Variants in ABCA4 observed in about 807,000 individuals in gnomAD.
ABCA4 encodes the protein retinal-specific phospholipid-transporting ATPase ABCA4.
ABCA4 carries 196 observed loss-of-function variants against 263.7 expected under a neutral mutation model. The ratio of observed to expected loss-of-function variants is 0.74; its 90% CI spans 0.66 to 0.84. The LOEUF (loss-of-function observed/expected upper bound fraction) is 0.84, where lower values mean the gene tolerates loss of function less well. Among genes scored for constraint, ABCA4 ranks in the 40% least tolerant of loss-of-function variants. The probability of loss-of-function intolerance (pLI) is 0.00; values close to 1 mark genes in which losing one functional copy is unlikely to be tolerated. For synonymous variants in ABCA4, 1,133 were observed against 1,094.2 expected (o/e 1.04, Z -0.70); for missense variants, 2,792 against 2,855.1 (o/e 0.98, Z 0.50).
At chr1:94,114,831 C>T (rs1662713563) in intron 1 of ABCA4, among the ~76,000 whole-genome samples, 1 of 152,244 alleles carries the variant, frequency 6.6e-6, no homozygotes, top group African/African-American at 2.4e-5. Flanking sequence ...AGGTTCATCA[C>T]TCCTCCAAGT....
intron 4 of ABCA4, among the ~76,000 whole-genome samples, chr1:94,104,983 ACACACATGCACACATGCG>A (rs920703706): frequency 1.3e-5 from 2 of 152,122 alleles, no homozygotes; most frequent in African/African-American, 2.4e-5. Context: ...ACACATGCAC[ACACACATGCACACATGCG>A]CACACATGCA....
At chr1:93,999,470 C>A (rs995065531) in intron 47 of ABCA4, among the ~76,000 whole-genome samples, 1 of 152,246 alleles carries the variant, frequency 6.6e-6, no homozygotes, top group African/African-American at 2.4e-5. Context: ...GGGAAGGCAG[C>A]ACTTCCCTGA....
rs888731641 is a variant in ABCA4 at position 94,101,217 on chromosome 1, T to C, written c.570+1798A>G. ...AATTTCCCCGAAATTCCTGTCCTTA[T>C]CTTCATCTCCCTTTTATTACCAACT... On this transcript the variant is annotated intron_variant, in intron 5 of 49. Coordinates refer to ENST00000370225, the MANE Select transcript of ABCA4 (RefSeq NM_000350.3). 3.9e-5 allele frequency among the ~76,000 whole-genome samples: 6 copies of C among 152,260 alleles called. No homozygotes were observed. Among genetic ancestry groups the C allele is most frequent in the African/African-American group, 1.4e-4 (6 of 41,474 alleles).
chr1:94,030,644 GC>G, intron 28 of ABCA4, 118 bp from the exon 29 acceptor site: 1 of 1,014,612 alleles, frequency 9.9e-7, no homozygotes, highest in Non-Finnish European at 1.5e-6. Flanking sequence ...ACCGAATGCT[GC>G]CTTGGGATGG....
intron 1 of ABCA4, among the ~76,000 whole-genome samples, chr1:94,119,994 C>T (rs1662905043): frequency 6.6e-6 from 1 of 152,136 alleles, no homozygotes; most frequent in Non-Finnish European, 1.5e-5. Context: ...CATCCCTTAT[C>T]CCCTCCTTCC....
At chr1:94,040,273 G>T in intron 23 of ABCA4, 146 bp from the exon 24 acceptor site, 1 of 716,980 alleles carries the variant, frequency 1.4e-6, no homozygotes, top group Non-Finnish European at 2.5e-6. Context: ...TGTTTAATCT[G>T]TTAATTCATC....
chr1:94,022,413 G>A (rs934758860), intron 32 of ABCA4, among the ~76,000 whole-genome samples: 1 of 152,106 alleles, frequency 6.6e-6, no homozygotes, highest in African/African-American at 2.4e-5. Context: ...CTCCTTTTCT[G>A]TGCCACCTCT....
intron 40 of ABCA4, among the ~76,000 whole-genome samples, chr1:94,009,450 G>T (rs536381918): frequency 6.6e-6 from 1 of 152,216 alleles, no homozygotes; most frequent in South Asian, 2.1e-4. Flanking sequence ...TGCAGCTGTA[G>T]TTACAGCCCT....
chr1:94,037,616 G>C (rs1397778573), intron 24 of ABCA4, among the ~76,000 whole-genome samples: 1 of 151,936 alleles, frequency 6.6e-6, no homozygotes, highest in East Asian at 1.9e-4. Flanking sequence ...AGGTTGGTGG[G>C]GGGGTCATGC....
chr1:94,028,934 A>T (rs1197434373), intron 30 of ABCA4, among the ~76,000 whole-genome samples: 3 of 142,038 alleles, frequency 2.1e-5, no homozygotes, highest in Non-Finnish European at 4.7e-5. Context: ...AAAAAAAGAA[A>T]TTCAAACAAT....
chr1:94,077,207 A>G (rs1661558563), intron 11 of ABCA4, among the ~76,000 whole-genome samples: 1 of 152,220 alleles, frequency 6.6e-6, no homozygotes. Context: ...ATTCGGGCAA[A>G]TGCTGAGGAC....
In ABCA4 at chr1:94,037,282, C is replaced by A; in HGVS notation, c.3676G>T (p.Gly1226Cys). Residue 1226 changes from glycine (G) to cysteine (C), a missense_variant, in exon 25 of 50, where the codon GGT becomes TGT. By Grantham distance (159) the Gly-to-Cys change is radical (BLOSUM62 -3). Transcript: ENST00000370225. ...GGAAGAAGGAAGATAAGTTCTTGAC[C>A]AATGCACTCCACCAGCTTTGCCTCT... ...VPEAKLVECI[G>C]QELIFLLPNK... The A allele has an allele frequency of 6.2e-7, 1 of 1,614,176 alleles. No individual in the cohort carries two copies. Among genetic ancestry groups the A allele is most frequent in the Non-Finnish European group, 8.5e-7 (1 of 1,180,026 alleles).
rs1193437578 is a variant in ABCA4, at chr1:93,997,976, ATGTTGTAG to A, written c.6606_6613del (p.Tyr2203AlafsTer45). The A allele has an allele frequency of 1.2e-6, 2 of 1,614,044 alleles. No homozygotes were observed. Among genetic ancestry groups the A allele is most frequent in the African/African-American group, 2.7e-5 (2 of 74,928 alleles). ...GGAGGAGGAGACCTGGAACTGGAGC[ATGTTGTAG>A]TGCCTCTCCCTCTGCACACTGCCTG... On this transcript the variant is annotated frameshift_variant, in exon 48 of 50. Coordinates refer to ENST00000370225, the MANE Select transcript of ABCA4 (RefSeq NM_000350.3). LOFTEE classifies it high-confidence loss of function.
intron 30 of ABCA4, among the ~76,000 whole-genome samples, chr1:94,028,930 A>AAAAAAAAAAAAAAAAAAC (rs35998587): frequency 9.3e-6 from 1 of 108,032 alleles, no homozygotes. Context: ...AAAAAAAAAA[A>AAAAAAAAAAAAAAAAAAC]GAAATTCAAA....
chr1:94,101,793 A>G (rs551676940), intron 5 of ABCA4, among the ~76,000 whole-genome samples: 74 of 152,356 alleles, frequency 4.9e-4, no homozygotes, highest in African/African-American at 1.7e-3. Flanking sequence ...CGGGGAGCCC[A>G]GAAGGCCCAG....
At chr1:94,087,654 GA>G (rs1376474826) in intron 6 of ABCA4, among the ~76,000 whole-genome samples, 1 of 152,160 alleles carries the variant, frequency 6.6e-6, no homozygotes. Flanking sequence ...GGGTCTTGAG[GA>G]AACCTGTGGT....
At chr1:94,069,215 T>G (rs1294021495) in intron 11 of ABCA4, among the ~76,000 whole-genome samples, 1 of 152,252 alleles carries the variant, frequency 6.6e-6, no homozygotes, top group Non-Finnish European at 1.5e-5. Context: ...GCAGCAGGCT[T>G]CCTTCTTTAA....
chr1:94,002,017 T>A (rs1397863263), intron 44 of ABCA4, 25 bp from the exon 45 acceptor site: 4 of 1,613,928 alleles, frequency 2.5e-6, no homozygotes, highest in African/African-American at 1.3e-5. Context: ...GAAATGCCAT[T>A]TGGAGAAGAC....
intron 11 of ABCA4, among the ~76,000 whole-genome samples, chr1:94,072,439 C>G (rs948272406): frequency 2.0e-5 from 3 of 152,108 alleles, no homozygotes; most frequent in Non-Finnish European, 4.4e-5. Context: ...TGAAAATACA[C>G]TGTGAACTCT....
Sources: allele counts gnomAD v4.1 joint callset (sites outside exome capture counted in the v4.1 genomes callset), GRCh38; gene constraint gnomAD v4.1.1; transcripts MANE v1.5; gene names NCBI Gene and HGNC (gene_info 2026-07-23, HGNC 2026-07-21).